BANK1: variants seen among roughly 807,000 people sequenced by gnomAD.
BANK1 encodes B cell scaffold protein with ankyrin repeats 1.
A neutral mutation model predicts 94.5 loss-of-function variants in BANK1; 95 were observed. That is an observed-to-expected ratio of 1.00 (90% CI 0.85 to 1.19). The LOEUF (loss-of-function observed/expected upper bound fraction) is 1.19, where lower values mean the gene tolerates loss of function less well. Ranked by LOEUF, BANK1 falls within the 50% of genes most tolerant of loss-of-function variation. The pLI, the probability that BANK1 is intolerant of heterozygous loss-of-function variation, is 0.00. For synonymous variants in BANK1, 334 were observed against 308.4 expected (o/e 1.08, Z -0.87); for missense variants, 987 against 932.2 (o/e 1.06, Z -0.77).
At chr4:102,009,462 C>G (rs78898795) in intron 7 of BANK1, among the ~76,000 whole-genome samples, 3,369 of 152,332 alleles carry the variant, frequency 0.022, 52 homozygotes, top group African/African-American at 0.038. Flanking sequence ...AAAGATGTCT[C>G]AAATGCTGCC....
At chr4:101,950,932 G>A (rs1724127855) in intron 7 of BANK1, among the ~76,000 whole-genome samples, 1 of 152,074 alleles carries the variant, frequency 6.6e-6, no homozygotes, top group Non-Finnish European at 1.5e-5. Flanking sequence ...GACAATACCT[G>A]ACCAGCAGTC....
chr4:101,935,534 G>T (rs1376545644), intron 7 of BANK1, among the ~76,000 whole-genome samples: 4 of 151,568 alleles, frequency 2.6e-5, no homozygotes, highest in African/African-American at 9.7e-5. Flanking sequence ...TTTCTTGAAA[G>T]TGGGGGAGTT....
rs373978309 is a variant in BANK1, at chr4:101,974,266, C to T, written c.1207-47248C>T. Among the ~76,000 whole-genome samples the T allele has an allele frequency of 2.6e-5, 4 of 152,192 alleles. No individual in the cohort carries two copies. In the East Asian group the frequency reaches 5.8e-4, roughly 22 times the overall value. On this transcript the variant is annotated intron_variant, in intron 7 of 16. Transcript: ENST00000322953. ...TCTTCTATTCTTCAGTTATGGAGGG[C>T]AGCATTTAGCTATTAGCCGCTTTCA...
chr4:102,009,425 C>G (rs1726410433), intron 7 of BANK1, among the ~76,000 whole-genome samples: 1 of 152,196 alleles, frequency 6.6e-6, no homozygotes, highest in African/African-American at 2.4e-5. Context: ...GCCTCTACTC[C>G]TGCTTTTGAA....
chr4:101,985,159 G>A (rs915700210), intron 7 of BANK1, among the ~76,000 whole-genome samples: 1 of 152,118 alleles, frequency 6.6e-6, no homozygotes, highest in Non-Finnish European at 1.5e-5. Flanking sequence ...AGCCAATGGT[G>A]TAAGTTCCAA....
chr4:101,941,976 TC>T (rs1174150275), intron 7 of BANK1, among the ~76,000 whole-genome samples: 3 of 151,844 alleles, frequency 2.0e-5, no homozygotes, highest in African/African-American at 7.2e-5. Flanking sequence ...GAGCACATTT[TC>T]TATTGTACCA....
chr4:102,020,932 A>G (rs561702951), intron 7 of BANK1, among the ~76,000 whole-genome samples: 9 of 152,254 alleles, frequency 5.9e-5, no homozygotes, highest in South Asian at 2.1e-4. Flanking sequence ...TTATAAACAA[A>G]GACTAGCAAT....
Position 101,830,053 on chromosome 4 carries a change from C to A in BANK1, c.316C>A (p.His106Asn). Residue 106 changes from histidine (H) to asparagine (N), a missense_variant, in exon 2 of 17, where the codon CAT becomes AAT. Coordinates refer to ENST00000322953, the MANE Select transcript of BANK1 (RefSeq NM_017935.5). ...KKCQFLEKIL[H>N]SPKSVVTLLC... ...ATGTCAGTTTCTGGAAAAGATACTT[C>A]ATTCACCAAAAAGTGTAGTTACTTT... The A allele has an allele frequency of 2.5e-6, 4 of 1,613,772 alleles. No individual in the cohort carries two copies. Among genetic ancestry groups the A allele is most frequent in the Non-Finnish European group, 3.4e-6 (4 of 1,179,868 alleles).
At chr4:101,949,817 A>C (rs1724069804) in intron 7 of BANK1, among the ~76,000 whole-genome samples, 1 of 152,164 alleles carries the variant, frequency 6.6e-6, no homozygotes, top group Non-Finnish European at 1.5e-5. Flanking sequence ...ACTCAGTGTT[A>C]ATTGAAATTG....
At chr4:101,791,828 G>A (rs960783879) in intron 1 of BANK1, among the ~76,000 whole-genome samples, 1 of 152,044 alleles carries the variant, frequency 6.6e-6, no homozygotes, top group Non-Finnish European at 1.5e-5. Context: ...ACATAAATAA[G>A]CTTTAGGGAT....
chr4:102,068,864 A>T (rs1255775316), intron 13 of BANK1, among the ~76,000 whole-genome samples: 3 of 152,078 alleles, frequency 2.0e-5, no homozygotes, highest in African/African-American at 7.2e-5. Context: ...ATATGTAGTT[A>T]ACTTTCTGCC....
At chr4:101,936,031 A>G (rs1723519516) in intron 7 of BANK1, among the ~76,000 whole-genome samples, 1 of 151,486 alleles carries the variant, frequency 6.6e-6, no homozygotes, top group Non-Finnish European at 1.5e-5. Context: ...AACCCCGCAC[A>G]GACAAACAAA....
intron 10 of BANK1, among the ~76,000 whole-genome samples, chr4:102,033,961 T>G (rs946973587): frequency 6.6e-6 from 1 of 152,210 alleles, no homozygotes; most frequent in African/African-American, 2.4e-5. Flanking sequence ...AGGAAGAGAT[T>G]ACCTCATCAG....
chr4:101,842,663 T>G (rs531169042), intron 2 of BANK1, among the ~76,000 whole-genome samples: 1 of 152,328 alleles, frequency 6.6e-6, no homozygotes, highest in Middle Eastern at 3.4e-3. Flanking sequence ...CGTACTCAAG[T>G]CTAATCTATG....
At chr4:102,036,896 A>T (rs879871756) in intron 10 of BANK1, 1 of 152,198 alleles carries the variant, frequency 6.6e-6, no homozygotes, top group African/African-American at 2.4e-5. Flanking sequence ...CCAAGAATTC[A>T]ATTCCTTTAT....
intron 7 of BANK1, among the ~76,000 whole-genome samples, chr4:101,928,523 AG>A (rs1209442041): frequency 6.6e-6 from 1 of 151,736 alleles, no homozygotes; most frequent in Non-Finnish European, 1.5e-5. Context: ...AGCCTAAGCA[AG>A]AACACTTCTC....
intron 11 of BANK1, among the ~76,000 whole-genome samples, chr4:102,046,579 C>A (rs1560706940): frequency 6.6e-6 from 1 of 152,092 alleles, no homozygotes; most frequent in African/African-American, 2.4e-5. Context: ...AAGAAAGGGG[C>A]TAGCATGAGT....
chr4:101,877,497 G>A (rs1039334577), intron 5 of BANK1, among the ~76,000 whole-genome samples: 1 of 152,114 alleles, frequency 6.6e-6, no homozygotes, highest in Non-Finnish European at 1.5e-5. Context: ...AGTCTAATAA[G>A]ATATAAATAG....
chr4:101,871,076 G>A (rs1330016440), intron 5 of BANK1, among the ~76,000 whole-genome samples: 1 of 152,102 alleles, frequency 6.6e-6, no homozygotes, highest in African/African-American at 2.4e-5. Context: ...GGAACGTGTG[G>A]TGTCAATCTA....
Sources: gnomAD v4.1 joint callset for allele counts (sites outside exome capture counted in the v4.1 genomes callset) on GRCh38, gnomAD v4.1.1 for gene constraint, MANE v1.5 for transcripts, NCBI Gene and HGNC (gene_info 2026-07-23, HGNC 2026-07-21) for gene names.